The following OSTN variants were observed in gnomAD, a reference collection of about 807,000 sequenced individuals.
OSTN encodes osteocrin.
OSTN carries 9 observed loss-of-function variants against 12.0 expected under a neutral mutation model. The ratio of observed to expected loss-of-function variants is 0.75; its 90% CI spans 0.45 to 1.30. OSTN has a LOEUF of 1.30. OSTN is among the 50% of genes most tolerant of loss of function. The pLI, the probability that OSTN is intolerant of heterozygous loss-of-function variation, is 0.00. For synonymous variants in OSTN, 59 were observed against 56.9 expected (o/e 1.04, Z -0.16); for missense variants, 148 against 152.3 (o/e 0.97, Z 0.15).
At chr3:191,212,727 A>ATTCT in intron 2 of OSTN, 93 bp downstream of exon 2, 1 of 270,642 alleles carries the variant, frequency 3.7e-6, no homozygotes, top group Non-Finnish European at 6.5e-6. Flanking sequence ...ATTAAAATAT[A>ATTCT]TTTCATATAC....
At chr3:191,215,178 T>C (rs1044751255) in intron 2 of OSTN, among the ~76,000 whole-genome samples, 10 of 152,138 alleles carry the variant, frequency 6.6e-5, no homozygotes, top group African/African-American at 2.2e-4. Flanking sequence ...GGAAGGAGAC[T>C]GAATTACCAA....
chr3:191,251,039 A>T (rs1715548386), intron 4 of OSTN, among the ~76,000 whole-genome samples: 1 of 152,174 alleles, frequency 6.6e-6, no homozygotes, highest in Non-Finnish European at 1.5e-5. Flanking sequence ...CCTTCATTAA[A>T]TTAGAATAAT....
intron 4 of OSTN, among the ~76,000 whole-genome samples, chr3:191,251,461 G>A (rs749515422): frequency 1.3e-5 from 2 of 152,108 alleles, no homozygotes; most frequent in East Asian, 1.9e-4. Flanking sequence ...TGCTTCTCTC[G>A]AGATAATCCT....
rs1715897391 is a variant in OSTN at position 191,265,270 on chromosome 3, G to A, written c.*2417G>A. ...AATAATGCATTACTTTTTTCTCTTT[G>A]CTTCTGTATGAACCTTTATAGAGCA... On this transcript the variant is annotated 3_prime_UTR_variant, in exon 5 of 5. Transcript: ENST00000682035. 1 of 151,820 alleles carries A rather than the reference G, an allele frequency of 6.6e-6. No individual in the cohort carries two copies. The highest frequency in any genetic ancestry group is 1.5e-5 in the Non-Finnish European group (1 of 67,902). 9.4% of individuals were successfully genotyped at this position (151,820 alleles called of 1,614,324 possible).
intron 4 of OSTN, among the ~76,000 whole-genome samples, chr3:191,250,506 GAT>G (rs1377728521): frequency 6.6e-6 from 1 of 152,114 alleles, no homozygotes; most frequent in Admixed American, 6.5e-5. Flanking sequence ...ACATTCAAGT[GAT>G]ACACATCATT....
chr3:191,210,635 C>CAA (rs1260508120), intron 1 of OSTN, among the ~76,000 whole-genome samples: 2 of 152,136 alleles, frequency 1.3e-5, no homozygotes, highest in Non-Finnish European at 2.9e-5. Context: ...GATACTAAAG[C>CAA]AAAAACATGA....
chr3:191,199,814 C>T lies in OSTN; in HGVS notation c.-1+507C>T, dbSNP rs117439403. On this transcript the variant is annotated intron_variant, in intron 1 of 4. Coordinates refer to ENST00000682035, the MANE Select transcript of OSTN (RefSeq NM_198184.2). Reference sequence around the variant, plus strand: ...TTTTTCTCCTTATATGTCAAATATGCAAATATGATATTAATAACATAGTTG... The same window carrying T: ...TTTTTCTCCTTATATGTCAAATATGTAAATATGATATTAATAACATAGTTG... Among the ~76,000 whole-genome samples the T allele has an allele frequency of 9.4e-4, 143 of 152,158 alleles. No individual in the cohort carries two copies. In the East Asian group the frequency reaches 0.026, roughly 28 times the overall value.
intron 4 of OSTN, among the ~76,000 whole-genome samples, chr3:191,251,663 C>A (rs928196464): frequency 2.0e-5 from 3 of 152,108 alleles, no homozygotes; most frequent in Non-Finnish European, 4.4e-5. Context: ...GTTTAATGAA[C>A]CTCTGCAGTT....
At chr3:191,239,090 C>T (rs1430373279) in intron 3 of OSTN, among the ~76,000 whole-genome samples, 1 of 152,116 alleles carries the variant, frequency 6.6e-6, no homozygotes, top group Non-Finnish European at 1.5e-5. Context: ...TCCAGGTTCT[C>T]GGCGTCTTGA....
At chr3:191,199,374 ACT>A (rs1323340240) in intron 1 of OSTN, 67 bp downstream of exon 1, 7 of 151,990 alleles carry the variant, frequency 4.6e-5, no homozygotes, top group African/African-American at 1.4e-4. Flanking sequence ...ACTTTCACAG[ACT>A]CTTTAAATGT....
chr3:191,219,380 G>C (rs2108533433), intron 3 of OSTN, among the ~76,000 whole-genome samples: 1 of 152,312 alleles, frequency 6.6e-6, no homozygotes, highest in East Asian at 1.9e-4. Flanking sequence ...GAATGAATCT[G>C]AGTGACAAGT....
intron 2 of OSTN, among the ~76,000 whole-genome samples, chr3:191,217,839 C>A (rs1191344066): frequency 6.6e-6 from 1 of 151,784 alleles, no homozygotes; most frequent in African/African-American, 2.4e-5. Context: ...TCCTTCATGT[C>A]CAATGCAGAA....
chr3:191,218,712 C>T (rs766721385), intron 2 of OSTN, 35 bp from the exon 3 acceptor site: 1 of 1,570,346 alleles, frequency 6.4e-7, no homozygotes, highest in Admixed American at 1.7e-5. Flanking sequence ...GTCTCTTTGT[C>T]TAAATTAACG....
intron 3 of OSTN, among the ~76,000 whole-genome samples, chr3:191,243,943 G>T (rs570251032): frequency 6.6e-6 from 1 of 152,146 alleles, no homozygotes; most frequent in East Asian, 1.9e-4. Flanking sequence ...GAAATCAAGG[G>T]AATTATTAGA....
At chr3:191,224,150 G>A (rs966826490) in intron 3 of OSTN, among the ~76,000 whole-genome samples, 4 of 152,086 alleles carry the variant, frequency 2.6e-5, no homozygotes, top group Non-Finnish European at 4.4e-5. Flanking sequence ...TGCTGAGGCG[G>A]GCAGATCACC....
At chr3:191,248,394 TA>T (rs1470496769) in intron 3 of OSTN, among the ~76,000 whole-genome samples, 1 of 152,210 alleles carries the variant, frequency 6.6e-6, no homozygotes, top group African/African-American at 2.4e-5. Flanking sequence ...AATTAGATCA[TA>T]ATAAGAAAAG....
chr3:191,224,988 G>C (rs1302929276), intron 3 of OSTN, among the ~76,000 whole-genome samples: 5 of 151,930 alleles, frequency 3.3e-5, no homozygotes, highest in Non-Finnish European at 7.4e-5. Context: ...TAACAATGAT[G>C]AAAGCTGAAA....
At chr3:191,239,376 C>T (rs914326464) in intron 3 of OSTN, among the ~76,000 whole-genome samples, 7 of 152,222 alleles carry the variant, frequency 4.6e-5, no homozygotes, top group African/African-American at 1.7e-4. Flanking sequence ...AGGATATTTT[C>T]TGTCATAGCT....
chr3:191,247,083 C>A (rs959910871), intron 3 of OSTN, among the ~76,000 whole-genome samples: 5 of 152,134 alleles, frequency 3.3e-5, no homozygotes, highest in African/African-American at 9.7e-5. Context: ...CTGACTACCA[C>A]GAGGAAAATA....
Sources: gnomAD v4.1 joint callset for allele counts (sites outside exome capture counted in the v4.1 genomes callset) on GRCh38, gnomAD v4.1.1 for gene constraint, MANE v1.5 for transcripts, NCBI Gene and HGNC (gene_info 2026-07-23, HGNC 2026-07-21) for gene names.